Variants in RASSF9 observed in about 807,000 individuals in gnomAD.
RASSF9 encodes Ras association domain family member 9, also known as ras association domain-containing protein 9.
Under a neutral mutation model 21.4 loss-of-function variants are expected in RASSF9, and 18 were observed. The observed-to-expected ratio is 0.84, with a 90% CI of 0.58 to 1.25. RASSF9 has a LOEUF of 1.25. Ranked by LOEUF, RASSF9 falls within the 50% of genes most tolerant of loss-of-function variation. The pLI, the probability that RASSF9 is intolerant of heterozygous loss-of-function variation, is 0.00. For synonymous variants in RASSF9, 183 were observed against 179.1 expected (o/e 1.02, Z -0.18); for missense variants, 480 against 503.2 (o/e 0.95, Z 0.44).
rs193078795 is a variant in RASSF9, at chr12:85,803,967, A to G, written c.*735T>C. On this transcript the variant is annotated 3_prime_UTR_variant, in exon 2 of 2. Transcript: ENST00000361228. ...ACTATACCTCACTCAGTGAATGAAC[A>G]TGGGTTTGGTCAGGAGATCTGAATT... is the stretch of plus-strand genomic sequence containing the variant. The G allele has an allele frequency of 6.6e-6, 1 of 152,324 alleles. No homozygotes were observed. The highest frequency in any genetic ancestry group is 1.9e-4 in the East Asian group (1 of 5,186). The allele number at this position is 152,324 out of a possible 1,614,324, so 9.4% of individuals were successfully genotyped here.
chr12:85,810,789 C>A (rs1472805707), intron 1 of RASSF9, among the ~76,000 whole-genome samples: 1 of 151,876 alleles, frequency 6.6e-6, no homozygotes, highest in Non-Finnish European at 1.5e-5. Context: ...TACCATGTAA[C>A]AAACAGTTCT....
At chr12:85,815,638 C>G (rs890136258) in intron 1 of RASSF9, among the ~76,000 whole-genome samples, 1 of 152,118 alleles carries the variant, frequency 6.6e-6, no homozygotes, top group Admixed American at 6.5e-5. Context: ...GCCATTCTGA[C>G]TGGAGTGAGA....
chr12:85,813,558 G>C lies in RASSF9; in HGVS notation c.48-7596C>G, dbSNP rs192760569. Reference sequence around the variant, plus strand: ...AGAAAAAGAATTTAGTGTGGAGGTAGAGAAAAATGAAGATAAATGGATATA... The same window carrying C: ...AGAAAAAGAATTTAGTGTGGAGGTACAGAAAAATGAAGATAAATGGATATA... On this transcript the variant is annotated intron_variant, in intron 1 of 1. Transcript: ENST00000361228. 4.5e-3 allele frequency among the ~76,000 whole-genome samples: 680 copies of C among 151,832 alleles called. 5 individuals carry two copies. The highest frequency in any genetic ancestry group is 0.015 in the African/African-American group (626 of 41,486).
intron 1 of RASSF9, among the ~76,000 whole-genome samples, chr12:85,821,660 AGT>A (rs148251325): frequency 0.063 from 9,545 of 151,374 alleles, 425 homozygotes; most frequent in Middle Eastern, 0.18. Flanking sequence ...TGTATATACG[AGT>A]GTGTGTGTGT....
intron 1 of RASSF9, among the ~76,000 whole-genome samples, chr12:85,826,447 A>ATTTTTTTTT (rs560187497): frequency 3.1e-5 from 4 of 130,666 alleles, no homozygotes; most frequent in South Asian, 2.5e-4. Context: ...TCCTTCCAAT[A>ATTTTTTTTT]TTTTTTTTTT....
intron 1 of RASSF9, among the ~76,000 whole-genome samples, chr12:85,835,376 G>A (rs1034595461): frequency 2.0e-5 from 3 of 152,064 alleles, no homozygotes; most frequent in Non-Finnish European, 4.4e-5. Flanking sequence ...TATTTAATAA[G>A]ACTAAGACAG....
rs748417762 is a variant in RASSF9, at chr12:85,805,848, CT to C, written c.161del (p.Gln54ArgfsTer27). On this transcript the variant is annotated frameshift_variant, in exon 2 of 2. Transcript: ENST00000361228. LOFTEE classifies it high-confidence loss of function. ...TKRTTSADVI[Q>X]ALLEEHEATF... ...TAGCCTCATGTTCCTCAAGCAAAGC[CT>C]GGATGACATCAGCAGAGGTGGTGCG... is the stretch of plus-strand genomic sequence containing the variant. The C allele has an allele frequency of 6.2e-7, 1 of 1,613,962 alleles. No homozygotes were observed. The highest frequency in any genetic ancestry group is 1.3e-5 in the African/African-American group (1 of 75,028).
intron 1 of RASSF9, among the ~76,000 whole-genome samples, chr12:85,833,751 T>C (rs563127763): frequency 1.6e-3 from 249 of 152,148 alleles, no homozygotes; most frequent in Non-Finnish European, 2.6e-3. Context: ...TTGTCTGTTA[T>C]ATATCATAAG....
intron 1 of RASSF9, among the ~76,000 whole-genome samples, chr12:85,827,642 G>T (rs1316964589): frequency 1.3e-5 from 2 of 152,068 alleles, no homozygotes; most frequent in Admixed American, 6.6e-5. Flanking sequence ...TTACTAACTG[G>T]TTTTCCTTCA....
chr12:85,825,252 T>A (rs1035514321), intron 1 of RASSF9, among the ~76,000 whole-genome samples: 9 of 152,188 alleles, frequency 5.9e-5, no homozygotes, highest in Non-Finnish European at 1.5e-5. Flanking sequence ...CAGCACTTTG[T>A]ACTTTGGATA....
At chr12:85,833,957 T>G (rs556141804) in intron 1 of RASSF9, among the ~76,000 whole-genome samples, 11 of 152,154 alleles carry the variant, frequency 7.2e-5, no homozygotes, top group African/African-American at 2.6e-4. Flanking sequence ...GTTATTCAAA[T>G]CATTATGGAA....
At chr12:85,817,024 T>C (rs1880085588) in intron 1 of RASSF9, among the ~76,000 whole-genome samples, 1 of 152,126 alleles carries the variant, frequency 6.6e-6, no homozygotes, top group Admixed American at 6.6e-5. Context: ...AGACAAGATA[T>C]TATATTTCAG....
chr12:85,817,852 C>G (rs1880111211), intron 1 of RASSF9, among the ~76,000 whole-genome samples: 1 of 152,052 alleles, frequency 6.6e-6, no homozygotes, highest in South Asian at 2.1e-4. Context: ...ATGCTCTGTA[C>G]AAATGTACTA....
At chr12:85,830,040 A>C (rs1265533321) in intron 1 of RASSF9, among the ~76,000 whole-genome samples, 1 of 152,130 alleles carries the variant, frequency 6.6e-6, no homozygotes, top group Non-Finnish European at 1.5e-5. Context: ...AACAAAATTA[A>C]AAGGTAGCCA....
rs1879788896 is a variant in RASSF9 at position 85,805,064 on chromosome 12, C to G, written c.946G>C (p.Glu316Gln). Residue 316 changes from glutamate (E) to glutamine (Q), a missense_variant, in exon 2 of 2, where the codon GAG becomes CAG. Physicochemically the swap from Glu to Gln is conservative, Grantham distance 29. Coordinates refer to ENST00000361228, the MANE Select transcript of RASSF9 (RefSeq NM_005447.4). ...TTCTCCAAATCACACTTAACACTCTCTAAATTAGAGCTTTCCAGTTCACTT... is the reference window on the plus strand; with the variant it reads ...TTCTCCAAATCACACTTAACACTCTGTAAATTAGAGCTTTCCAGTTCACTT... The part of the protein sequence containing the change: ...AASELESSNL[E>Q]SVKCDLEKSM... 1 of 1,614,006 alleles carries G rather than the reference C, an allele frequency of 6.2e-7. No individual in the cohort carries two copies. Among genetic ancestry groups the G allele is most frequent in the Middle Eastern group, 1.6e-4 (1 of 6,062 alleles).
chr12:85,824,752 C>A (rs1159987385), intron 1 of RASSF9, among the ~76,000 whole-genome samples: 1 of 152,110 alleles, frequency 6.6e-6, no homozygotes, highest in Non-Finnish European at 1.5e-5. Flanking sequence ...GACAGATCTA[C>A]TATGAGAACA....
intron 1 of RASSF9, among the ~76,000 whole-genome samples, chr12:85,814,428 T>C (rs1450248985): frequency 1.3e-5 from 2 of 151,974 alleles, no homozygotes; most frequent in Non-Finnish European, 2.9e-5. Context: ...CATCAAATAA[T>C]TATCTGGCCT....
chr12:85,808,300 A>G (rs1879878880), intron 1 of RASSF9, among the ~76,000 whole-genome samples: 1 of 152,164 alleles, frequency 6.6e-6, no homozygotes, highest in African/African-American at 2.4e-5. Flanking sequence ...CCAGGAAAAT[A>G]TAAGTATTCA....
At chr12:85,812,473 T>C (rs1399531942) in intron 1 of RASSF9, among the ~76,000 whole-genome samples, 1 of 151,158 alleles carries the variant, frequency 6.6e-6, no homozygotes, top group East Asian at 2.0e-4. Flanking sequence ...GAAATATTGA[T>C]GAGATTCATT....
Sources: allele counts gnomAD v4.1 joint callset (sites outside exome capture counted in the v4.1 genomes callset), GRCh38; gene constraint gnomAD v4.1.1; transcripts MANE v1.5; gene names NCBI Gene and HGNC (gene_info 2026-07-23, HGNC 2026-07-21).